APC: variants seen among roughly 807,000 people sequenced by gnomAD.
APC encodes the protein APC regulator of Wnt signaling pathway, also known as adenomatous polyposis coli protein.
Under a neutral mutation model 247.0 loss-of-function variants are expected in APC, and 72 were observed. The observed-to-expected ratio is 0.29, with a 90% CI of 0.24 to 0.35. APC has a LOEUF of 0.35. Among genes scored for constraint, APC ranks in the 10% least tolerant of loss-of-function variants. The probability of loss-of-function intolerance (pLI) is 1.00; values close to 1 mark genes in which losing one functional copy is unlikely to be tolerated. For missense variants in APC, 3,400 were observed against 3,360.7 expected (o/e 1.01, Z -0.29); for synonymous variants, 1,254 against 1,162.5 (o/e 1.08, Z -1.60).
intron 2 of APC, among the ~76,000 whole-genome samples, chr5:112,759,902 G>A (rs1457601083): frequency 1.3e-5 from 2 of 152,104 alleles, no homozygotes; most frequent in East Asian, 3.9e-4. Flanking sequence ...AAAATCAAGG[G>A]CCTCTTCTAG....
chr5:112,837,015 G>A (rs1765013595), intron 15 of APC, among the ~76,000 whole-genome samples: 1 of 152,150 alleles, frequency 6.6e-6, no homozygotes, highest in African/African-American at 2.4e-5. Context: ...GCACTCGTAA[G>A]AAGGATGGCA....
chr5:112,806,882 C>G (rs1761466297), intron 8 of APC, among the ~76,000 whole-genome samples: 2 of 152,170 alleles, frequency 1.3e-5, no homozygotes, highest in Admixed American at 1.3e-4. Flanking sequence ...CATGTAATCC[C>G]AGCACTTTGG....
intron 1 of APC, among the ~76,000 whole-genome samples, chr5:112,728,581 C>T (rs1171916026): frequency 1.3e-5 from 2 of 152,034 alleles, no homozygotes; most frequent in East Asian, 1.9e-4. Context: ...AAAGTTCTTA[C>T]GCACAGTTTT....
At chr5:112,836,102 C>A (rs1764876353) in intron 15 of APC, among the ~76,000 whole-genome samples, 1 of 132,560 alleles carries the variant, frequency 7.5e-6, no homozygotes, top group Non-Finnish European at 1.6e-5. Context: ...CTCACTGCAA[C>A]CTCTGCCTTT....
chr5:112,713,860 G>A (rs1740105223), intron 1 of APC, among the ~76,000 whole-genome samples: 1 of 152,158 alleles, frequency 6.6e-6, no homozygotes, highest in Non-Finnish European at 1.5e-5. Context: ...GTTTCGCAAT[G>A]TTGGCTAGGC....
At chr5:112,797,274 C>T (rs997789067) in intron 7 of APC, among the ~76,000 whole-genome samples, 13 of 152,010 alleles carry the variant, frequency 8.6e-5, no homozygotes, top group Non-Finnish European at 1.5e-4. Context: ...ACAATTTTGC[C>T]GTTTGTGGTT....
intron 2 of APC, among the ~76,000 whole-genome samples, chr5:112,762,591 A>G (rs560439282): frequency 4.6e-5 from 7 of 152,368 alleles, no homozygotes; most frequent in Non-Finnish European, 1.0e-4. Context: ...GTGAGACACA[A>G]AATACTTATG....
rs1477876194 is a variant in APC, at chr5:112,770,777, T to G, written c.422+3387T>G. On this transcript the variant is annotated intron_variant, in intron 4 of 15. Transcript: ENST00000257430. ...ACTCACCACTCTGAAAGATGAAGAT[T>G]TGTTAAATTCACTCAATTATCCATC... is the stretch of plus-strand genomic sequence containing the variant. Among the ~76,000 whole-genome samples the G allele has an allele frequency of 2.0e-5, 3 of 152,114 alleles. No homozygotes were observed. The South Asian group carries it at 6.2e-4, about 31-fold the overall frequency.
chr5:112,714,144 T>C (rs995887723), intron 1 of APC, among the ~76,000 whole-genome samples: 16 of 152,290 alleles, frequency 1.1e-4, no homozygotes, highest in Middle Eastern at 3.4e-3. Flanking sequence ...ACTATTGAAA[T>C]AGAGTTGTGG....
chr5:112,764,081 A>G (rs1755983792), intron 2 of APC, among the ~76,000 whole-genome samples: 1 of 143,952 alleles, frequency 6.9e-6, no homozygotes, highest in Non-Finnish European at 1.5e-5. Flanking sequence ...ACTATACTAA[A>G]AAAAAAAAAA....
intron 1 of APC, among the ~76,000 whole-genome samples, chr5:112,716,514 TC>T (rs1751178671): frequency 1.3e-5 from 2 of 152,182 alleles, no homozygotes; most frequent in Admixed American, 1.3e-4. Context: ...GTCTTTTTTT[TC>T]CTCTCCATTT....
intron 5 of APC, among the ~76,000 whole-genome samples, chr5:112,779,125 T>G (rs1758046264): frequency 6.6e-6 from 1 of 152,156 alleles, no homozygotes; most frequent in Non-Finnish European, 1.5e-5. Context: ...CCTTAACATG[T>G]TAACACTTAA....
In APC at chr5:112,755,041, CTT is replaced by C; in HGVS notation, c.135+19_135+20del. 1 of 1,612,900 alleles carries C rather than the reference CTT, an allele frequency of 6.2e-7. No individual in the cohort carries two copies. The highest frequency in any genetic ancestry group is 8.5e-7 in the Non-Finnish European group (1 of 1,179,242). On this transcript the variant is annotated intron_variant, in intron 2 of 15. Transcript: ENST00000257430. ...TAATATGAAGGTATCAAGACTGTGA[CTT>C]TTAATTGTAGTTTATCCATTTTTAT...
At chr5:112,812,933 C>T (rs2149752572) in intron 8 of APC, among the ~76,000 whole-genome samples, 1 of 152,240 alleles carries the variant, frequency 6.6e-6, no homozygotes, top group Non-Finnish European at 1.5e-5. Context: ...TGCCTCTTTT[C>T]CCTTCCCTAA....
chr5:112,769,130 A>G (rs1020029517), intron 4 of APC, among the ~76,000 whole-genome samples: 1 of 136,370 alleles, frequency 7.3e-6, no homozygotes, highest in African/African-American at 2.9e-5. Flanking sequence ...TGGCTCCTGC[A>G]ACCTCCACCT....
chr5:112,819,555 C>T (rs1390545929), intron 10 of APC, among the ~76,000 whole-genome samples: 1 of 152,122 alleles, frequency 6.6e-6, no homozygotes, highest in Non-Finnish European at 1.5e-5. Flanking sequence ...ACTATAAGAA[C>T]AGTAAGTCAA....
Position 112,844,232 on chromosome 5 carries a change from G to T in APC, c.*106G>T. On this transcript the variant is annotated 3_prime_UTR_variant, in exon 16 of 16. Coordinates refer to ENST00000257430, the MANE Select transcript of APC (RefSeq NM_000038.6). ...AAAGACTGAAAAATTTTGTAAATAG[G>T]TTTGATTCTTGTTAGAGGGTTTTTG... is the stretch of plus-strand genomic sequence containing the variant. The T allele has an allele frequency of 9.2e-7, 1 of 1,088,148 alleles. No homozygotes were observed. Among genetic ancestry groups the T allele is most frequent in the Non-Finnish European group, 1.3e-6 (1 of 754,414 alleles). The allele number at this position is 1,088,148 out of a possible 1,614,324, so 67.4% of individuals were successfully genotyped here. A position where few individuals can be genotyped will look rare whatever the true frequency, so the allele number is the denominator to read the frequency against.
At chr5:112,735,189 A>G (rs927241775), upstream of APC, among the ~76,000 whole-genome samples, 2 of 151,514 alleles carry the variant, frequency 1.3e-5, no homozygotes, top group Admixed American at 6.6e-5. Flanking sequence ...AAAAATATAT[A>G]TATCTTTTGA....
intron 6 of APC, 132 bp downstream of exon 6, chr5:112,781,035 A>C: frequency 1.4e-6 from 1 of 706,430 alleles, no homozygotes; most frequent in Non-Finnish European, 2.6e-6. Flanking sequence ...ATTTCAAAAT[A>C]AGATTTATCA....
Sources: gnomAD v4.1 joint callset for allele counts (sites outside exome capture counted in the v4.1 genomes callset) on GRCh38, gnomAD v4.1.1 for gene constraint, MANE v1.5 for transcripts, NCBI Gene and HGNC (gene_info 2026-07-23, HGNC 2026-07-21) for gene names.